SLC26A1: variants seen among roughly 807,000 people sequenced by gnomAD.
The protein encoded by SLC26A1 is sulfate anion transporter 1.
SLC26A1 carries 18 observed loss-of-function variants against 14.5 expected under a neutral mutation model. The observed-to-expected ratio is 1.24, with a 90% CI of 0.86 to 1.84. The LOEUF is 1.84. Among genes scored for constraint, SLC26A1 ranks in the 40% most tolerant of loss-of-function variants. The pLI is 0.00. For missense variants in SLC26A1, 1,049 were observed against 1,020.0 expected (o/e 1.03, Z -0.39); for synonymous variants, 505 against 492.0 (o/e 1.03, Z -0.35).
chr4:991,080 AG>A (rs34164224), intron 2 of SLC26A1, 47 bp downstream of exon 2: 17 of 1,499,910 alleles, frequency 1.1e-5, no homozygotes, highest in African/African-American at 1.1e-4. Context: ...CCAAAACCTA[AG>A]GGGGGGTGCC....
downstream of SLC26A1, chr4:986,831 T>C (rs574632094): frequency 6.3e-6 from 4 of 631,776 alleles, no homozygotes; most frequent in Non-Finnish European, 1.2e-5. Flanking sequence ...GAAGCGTTCT[T>C]CTGAGCGCTT....
Position 988,500 on chromosome 4 carries a change from G to A in SLC26A1, c.*333C>T. 8.7e-7 allele frequency: 1 copy of A among 1,148,046 alleles called. No individual in the cohort carries two copies. The highest frequency in any genetic ancestry group is 1.1e-6 in the Non-Finnish European group (1 of 932,126). The allele number at this position is 1,148,046 out of a possible 1,614,324, so 71.1% of individuals were successfully genotyped here. A position where few individuals can be genotyped will look rare whatever the true frequency, so the allele number is the denominator to read the frequency against. ...TTGGCACCTTGGAGGCTGCATGATG[G>A]CGGGGGACCCTTGTTCAAATAAGAT... On this transcript the variant is annotated 3_prime_UTR_variant, in exon 3 of 3. Coordinates refer to ENST00000398516, the MANE Select transcript of SLC26A1 (RefSeq NM_022042.4).
chr4:982,553 G>A (rs1057293084), intron 2 of SLC26A1, among the ~76,000 whole-genome samples: 1 of 152,228 alleles, frequency 6.6e-6, no homozygotes, highest in Non-Finnish European at 1.5e-5. Flanking sequence ...AGTGAAAGGC[G>A]GACCTGGAAG....
downstream of SLC26A1, chr4:987,622 G>A: frequency 1.4e-6 from 2 of 1,442,566 alleles, no homozygotes; most frequent in South Asian, 2.9e-5. Flanking sequence ...TCTTACTGCT[G>A]CTGCCGTTCC....
intron 2 of SLC26A1, 160 bp from the exon 3 acceptor site, chr4:990,522 G>A: frequency 4.3e-6 from 3 of 704,418 alleles, no homozygotes. Flanking sequence ...ACACGGGCCT[G>A]AGTTCTGGTT....
Position 989,512 on chromosome 4 carries a change from C to G in SLC26A1, c.1427G>C (p.Gly476Ala). 6.4e-7 allele frequency: 1 copy of G among 1,553,232 alleles called. No individual in the cohort carries two copies. ...GACCAGCATACAGGTGGCCGCGGTG[C>G]CTGCCCAGACCAGCGCGTCAGCCGG... ...MSPADALVWA[G>A]TAATCMLVST... The change falls in exon 3 of 3, where the codon GGC becomes GCC. Residue 476 changes from glycine (G) to alanine (A), a missense_variant. Coordinates refer to ENST00000398516, the MANE Select transcript of SLC26A1 (RefSeq NM_022042.4).
At chr4:992,542 G>T (rs1264737615) in intron 1 of SLC26A1, among the ~76,000 whole-genome samples, 1 of 152,256 alleles carries the variant, frequency 6.6e-6, no homozygotes, top group Non-Finnish European at 1.5e-5. Context: ...GAGGGGAGGA[G>T]GGTGACTGGC....
At position 989,257 on chromosome 4, in the gene SLC26A1, AG is replaced by A; in HGVS notation, c.1681del (p.Leu561SerfsTer62). Reference sequence around the variant, plus strand: ...CATGCACCCTGCGTCCAGCCCCGTGAGGCTGTAGAGTGACTGCAGGAAGAAG... The same window carrying A: ...CATGCACCCTGCGTCCAGCCCCGTGAGCTGTAGAGTGACTGCAGGAAGAAG... ...KDFFLQSLYSLTGLDAGCMAA... is the reference protein window; with the variant it reads ...KDFFLQSLYSXTGLDAGCMAA... On this transcript the variant is annotated frameshift_variant, in exon 3 of 3. Coordinates refer to ENST00000398516, the MANE Select transcript of SLC26A1 (RefSeq NM_022042.4). LOFTEE classifies it low-confidence loss of function (END_TRUNC). 2 of 1,612,598 alleles carry A rather than the reference AG, an allele frequency of 1.2e-6. No homozygotes were observed. Among genetic ancestry groups the A allele is most frequent in the Non-Finnish European group, 1.7e-6 (2 of 1,179,860 alleles).
chr4:988,866 G>A lies in SLC26A1; in HGVS notation c.2073C>T (p.His691=), dbSNP rs1713961685. ...GGGCATCGGTGGCCTCCAGCTCCCTGTGGCGGGCTCGTGCTGTCTGCACGG... is the reference window on the plus strand; with the variant it reads ...GGGCATCGGTGGCCTCCAGCTCCCTATGGCGGGCTCGTGCTGTCTGCACGG... The part of the protein sequence containing the change: ...HDAVQTARAR[H]RELEATDAHL Residue 691 remains histidine (H), a synonymous_variant, in exon 3 of 3, where the codon CAC becomes CAT. Transcript: ENST00000398516. 2 of 1,597,600 alleles carry A rather than the reference G, an allele frequency of 1.3e-6. No individual in the cohort carries two copies. The highest frequency in any genetic ancestry group is 1.1e-5 in the South Asian group (1 of 89,326).
At chr4:982,463 C>T (rs1395827622) in intron 2 of SLC26A1, among the ~76,000 whole-genome samples, 3 of 152,208 alleles carry the variant, frequency 2.0e-5, no homozygotes, top group Non-Finnish European at 2.9e-5. Flanking sequence ...TGGGTGCGTG[C>T]GTGAGGGTAC....
intron 2 of SLC26A1, among the ~76,000 whole-genome samples, chr4:980,053 GC>G (rs1713492053): frequency 6.6e-6 from 1 of 152,220 alleles, no homozygotes; most frequent in Non-Finnish European, 1.5e-5. Context: ...GTTCATGGGG[GC>G]TCTGCGGGAA....
rs1194432671 is a variant in SLC26A1 at position 989,439 on chromosome 4, G to A, written c.1500C>T (p.Ser500=). The A allele has an allele frequency of 9.0e-6, 14 of 1,554,080 alleles. No homozygotes were observed. Among genetic ancestry groups the A allele is most frequent in the African/African-American group, 1.4e-5 (1 of 73,340 alleles). Reference sequence around the variant, plus strand: ...GTGGGCGTTGGGTGCGGCCGGCCAGGCTGAGCAGCGAGAGGATGACGCCAG... The same window carrying A: ...GTGGGCGTTGGGTGCGGCCGGCCAGACTGAGCAGCGAGAGGATGACGCCAG... ...LLAGVILSLL[S]LAGRTQRPRT... Residue 500 remains serine, a synonymous_variant, in exon 3 of 3, where the codon AGC becomes AGT. Coordinates refer to ENST00000398516, the MANE Select transcript of SLC26A1 (RefSeq NM_022042.4).
intron 2 of SLC26A1, among the ~76,000 whole-genome samples, chr4:981,471 A>ACAGT (rs1553914306): frequency 6.6e-6 from 1 of 151,604 alleles, no homozygotes; most frequent in Non-Finnish European, 1.5e-5. Context: ...GACCCTATCT[A>ACAGT]CAATCAATCA....
chr4:992,781 G>C (rs1438619532), intron 1 of SLC26A1: 1 of 153,588 alleles, frequency 6.5e-6, no homozygotes, highest in Non-Finnish European at 1.4e-5. Flanking sequence ...AGGCCTGACT[G>C]GTCCCACGTG....
chr4:986,791 A>G (rs938121726), downstream of SLC26A1: 3 of 568,690 alleles, frequency 5.3e-6, no homozygotes, highest in Non-Finnish European at 1.0e-5. Context: ...ACAAGACAGT[A>G]ATGGCTCAAC....
Position 988,636 on chromosome 4 carries a change from T to G in SLC26A1, c.*197A>C. On this transcript the variant is annotated 3_prime_UTR_variant, in exon 3 of 3. Transcript: ENST00000398516. ...GTCTCGGAGGCAGAGGTTCTTGATT[T>G]CTGAGTGTTTGGGTCCTGCGTGTGA... 1 of 1,382,016 alleles carries G rather than the reference T, an allele frequency of 7.2e-7. No individual in the cohort carries two copies. Among genetic ancestry groups the G allele is most frequent in the East Asian group, 2.7e-5 (1 of 36,426 alleles). 85.6% of individuals were successfully genotyped at this position (1,382,016 alleles called of 1,614,324 possible). A position where few individuals can be genotyped will look rare whatever the true frequency, so the allele number is the denominator to read the frequency against.
rs150810594 is a variant in SLC26A1 at position 989,643 on chromosome 4, C to T, written c.1296G>A (p.Pro432=). 174 of 1,593,046 alleles carry T rather than the reference C, an allele frequency of 1.1e-4. No individual in the cohort carries two copies. The highest frequency in any genetic ancestry group is 3.0e-4 in the Admixed American group (17 of 56,984). The part of the protein sequence containing the change: ...VVLLVLLALA[P]LFHDLQRSVL... Reference sequence around the variant, plus strand: ...CGCTTCGCTGTAGGTCGTGGAACAGCGGTGCCAGCGCCAGCAGCACCAGCA... The same window carrying T: ...CGCTTCGCTGTAGGTCGTGGAACAGTGGTGCCAGCGCCAGCAGCACCAGCA... The change falls in exon 3 of 3, where the codon CCG becomes CCA. Residue 432 remains proline (P), a synonymous_variant. Transcript: ENST00000398516.
At chr4:986,772 C>T, downstream of SLC26A1, 2 of 526,648 alleles carry the variant, frequency 3.8e-6, no homozygotes, top group Non-Finnish European at 7.3e-6. Flanking sequence ...CACACAAAAA[C>T]AGAGAAAAAC....
In SLC26A1 at chr4:989,924, G is replaced by C. The variant is rs776216278; in HGVS notation, c.1015C>G (p.Gln339Glu). ...PPQVPEPRLMQRVALDAVALA... is the reference protein window; with the variant it reads ...PPQVPEPRLMERVALDAVALA... The stretch of plus-strand genomic sequence containing the variant: ...GCCACGGCATCCAAAGCCACACGCT[G>C]CATCAGCCTGGGCTCTGGGACCTGA... The change falls in exon 3 of 3, where the codon CAG (glutamine) becomes GAG (glutamate). Residue 339 changes from glutamine to glutamate, a missense_variant. Physicochemically the swap from Gln to Glu is conservative, Grantham distance 29. Transcript: ENST00000398516. 2.6e-6 allele frequency: 4 copies of C among 1,558,858 alleles called. No homozygotes were observed. The African/African-American group carries it at 5.4e-5, about 21-fold the overall frequency.
Sources: allele counts gnomAD v4.1 joint callset (sites outside exome capture counted in the v4.1 genomes callset), GRCh38; gene constraint gnomAD v4.1.1; transcripts MANE v1.5; gene names NCBI Gene and HGNC (gene_info 2026-07-23, HGNC 2026-07-21).